Variants in PRELID2 observed in about 807,000 individuals in gnomAD.
The protein encoded by PRELID2 is PRELI domain-containing protein 2.
A neutral mutation model predicts 28.4 loss-of-function variants in PRELID2; 25 were observed. The observed-to-expected ratio is 0.88, with a 90% CI of 0.64 to 1.23. The LOEUF (loss-of-function observed/expected upper bound fraction) is 1.23, where lower values mean the gene tolerates loss of function less well. PRELID2 is among the 50% of genes most tolerant of loss of function. The pLI is 0.00. For synonymous variants in PRELID2, 76 were observed against 71.6 expected (o/e 1.06, Z -0.31); for missense variants, 201 against 214.4 (o/e 0.94, Z 0.39).
chr5:145,259,161 TG>T, the PRELID2 span, among the ~76,000 whole-genome samples: 1 of 152,240 alleles, frequency 6.6e-6, no homozygotes, highest in Admixed American at 6.5e-5. Context: ...TGAAAAATAC[TG>T]GGTGCCCAGG....
the PRELID2 span, among the ~76,000 whole-genome samples, chr5:145,431,521 G>A: frequency 2.0e-5 from 3 of 152,160 alleles, no homozygotes; most frequent in Non-Finnish European, 4.4e-5. Flanking sequence ...CCTTAATCAT[G>A]TGATCAAAGT....
chr5:145,303,862 C>T, the PRELID2 span, among the ~76,000 whole-genome samples: 2 of 152,140 alleles, frequency 1.3e-5, no homozygotes, highest in East Asian at 1.9e-4. Flanking sequence ...TGGAAATGAC[C>T]ATCTTTGTTG....
the PRELID2 span, among the ~76,000 whole-genome samples, chr5:145,449,193 G>C: frequency 2.0e-5 from 3 of 152,084 alleles, no homozygotes; most frequent in Non-Finnish European, 4.4e-5. Context: ...TGCTGAGGCT[G>C]AGTCCCACGT....
chr5:145,356,477 G>A, the PRELID2 span, among the ~76,000 whole-genome samples: 1 of 151,468 alleles, frequency 6.6e-6, no homozygotes, highest in Admixed American at 6.6e-5. Context: ...ATCTATTTTG[G>A]ATGGTTCAGT....
the PRELID2 span, among the ~76,000 whole-genome samples, chr5:145,354,226 G>C: frequency 6.6e-6 from 1 of 151,508 alleles, no homozygotes; most frequent in South Asian, 2.1e-4. Context: ...GGCACAGCCA[G>C]GATACAGCAG....
the PRELID2 span, among the ~76,000 whole-genome samples, chr5:145,253,746 G>A: frequency 5.3e-5 from 8 of 151,684 alleles, no homozygotes; most frequent in African/African-American, 9.7e-5. Context: ...TCATTTGAAC[G>A]CAGTTATTCC....
chr5:145,586,037 C>A (rs548657409), intron 1 of PRELID2, among the ~76,000 whole-genome samples: 18 of 149,558 alleles, frequency 1.2e-4, no homozygotes, highest in African/African-American at 4.2e-4. Flanking sequence ...CTCTTAATAA[C>A]CCTTTCTTAG....
At chr5:145,538,406 A>T (rs1046044135) in intron 1 of PRELID2, among the ~76,000 whole-genome samples, 1 of 151,900 alleles carries the variant, frequency 6.6e-6, no homozygotes, top group Non-Finnish European at 1.5e-5. Context: ...TTTAATAGGG[A>T]TTGCATTAAA....
At chr5:145,575,899 C>T (rs1284937579) in intron 1 of PRELID2, among the ~76,000 whole-genome samples, 2 of 152,082 alleles carry the variant, frequency 1.3e-5, no homozygotes, top group Non-Finnish European at 2.9e-5. Flanking sequence ...TCCTGGCATT[C>T]TCTCTACTCC....
the PRELID2 span, among the ~76,000 whole-genome samples, chr5:145,321,718 G>A: frequency 1.3e-5 from 2 of 152,180 alleles, no homozygotes; most frequent in African/African-American, 4.8e-5. Flanking sequence ...GCCTTTCAAA[G>A]TTATAATTTG....
chr5:145,344,435 T>C, the PRELID2 span, among the ~76,000 whole-genome samples: 1 of 152,124 alleles, frequency 6.6e-6, no homozygotes. Context: ...TGCAAGATTC[T>C]AATATTATAT....
chr5:145,578,316 C>G (rs1026915018), intron 1 of PRELID2, among the ~76,000 whole-genome samples: 11 of 152,280 alleles, frequency 7.2e-5, no homozygotes, highest in East Asian at 1.9e-4. Context: ...CCAACTTTCA[C>G]TTAGAAAATG....
At chr5:145,607,514 T>G (rs180961481) in intron 1 of PRELID2, among the ~76,000 whole-genome samples, 1 of 152,202 alleles carries the variant, frequency 6.6e-6, no homozygotes, top group Non-Finnish European at 1.5e-5. Flanking sequence ...CTAAAAGTCA[T>G]TCAGGAACAG....
At chr5:145,309,088 G>T in the PRELID2 span, among the ~76,000 whole-genome samples, 2 of 124,592 alleles carry the variant, frequency 1.6e-5, no homozygotes, top group African/African-American at 7.1e-5. Context: ...CTTTTCCTCA[G>T]AGTGGTCAAG....
chr5:145,299,360 C>T, the PRELID2 span, among the ~76,000 whole-genome samples: 1 of 152,056 alleles, frequency 6.6e-6, no homozygotes, highest in South Asian at 2.1e-4. Context: ...ATAAGATCCA[C>T]ATATTGAGAT....
At chr5:145,832,359 A>AT (rs1755649165) in intron 1 of PRELID2, among the ~76,000 whole-genome samples, 1 of 151,890 alleles carries the variant, frequency 6.6e-6, no homozygotes, top group South Asian at 2.1e-4. Flanking sequence ...AATTTTTTGT[A>AT]TTTTTGGTAG....
intron 5 of PRELID2, among the ~76,000 whole-genome samples, chr5:145,782,436 C>T (rs1237537384): frequency 6.6e-6 from 1 of 152,166 alleles, no homozygotes; most frequent in African/African-American, 2.4e-5. Context: ...GTCTCTGTTC[C>T]AGAAGGTAAC....
the PRELID2 span, among the ~76,000 whole-genome samples, chr5:145,367,731 C>A: frequency 1.3e-5 from 2 of 151,880 alleles, no homozygotes; most frequent in African/African-American, 4.8e-5. Context: ...GAATTGACTT[C>A]TTTCACTTAG....
At chr5:145,707,141 A>G (rs1394396648) in intron 1 of PRELID2, among the ~76,000 whole-genome samples, 1 of 152,226 alleles carries the variant, frequency 6.6e-6, no homozygotes, top group Admixed American at 6.5e-5. Flanking sequence ...TTTAATCTCC[A>G]CAATGACTCT....
Sources: gnomAD v4.1 joint callset for allele counts (sites outside exome capture counted in the v4.1 genomes callset) on GRCh38, gnomAD v4.1.1 for gene constraint, MANE v1.5 for transcripts, NCBI Gene and HGNC (gene_info 2026-07-23, HGNC 2026-07-21) for gene names.